Variants in SCUBE2 observed in about 807,000 individuals in gnomAD.
SCUBE2 encodes the protein signal peptide, CUB domain and EGF like domain containing 2.
Under a neutral mutation model 125.9 loss-of-function variants are expected in SCUBE2, and 114 were observed. That is an observed-to-expected ratio of 0.91 (90% CI 0.78 to 1.06). The LOEUF (loss-of-function observed/expected upper bound fraction) is 1.06, where lower values mean the gene tolerates loss of function less well. Ranked by LOEUF, SCUBE2 falls within the 50% of genes least tolerant of loss-of-function variation. SCUBE2 has a pLI of 0.00. For missense variants in SCUBE2, 1,255 were observed against 1,301.8 expected (o/e 0.96, Z 0.55); for synonymous variants, 459 against 492.9 (o/e 0.93, Z 0.91).
rs565697050 is a variant in SCUBE2, at chr11:9,065,330, A to G, written c.850+561T>C. ...GCTGTTCTCATGATAGAGTGAGATC[A>G]TGAGATCTCATGGTTTTACAAGTGT... On this transcript the variant is annotated intron_variant, in intron 7 of 22. Coordinates refer to ENST00000649792, the MANE Select transcript of SCUBE2 (RefSeq NM_001367977.2). 1.6e-3 allele frequency among the ~76,000 whole-genome samples: 236 copies of G among 152,248 alleles called. 1 individual carries two copies. Among genetic ancestry groups the G allele is most frequent in the Non-Finnish European group, 2.7e-3 (185 of 68,024 alleles).
Position 9,083,679 on chromosome 11 carries a change from C to T in SCUBE2, c.257-4170G>A, listed in dbSNP as rs959322024. Among the ~76,000 whole-genome samples the T allele has an allele frequency of 2.0e-5, 3 of 151,992 alleles. No homozygotes were observed. In the South Asian group the frequency reaches 6.3e-4, roughly 32 times the overall value. On this transcript the variant is annotated intron_variant, in intron 2 of 22. Transcript: ENST00000649792. ...AAGCGATTCTCCTGCCTCAGCCTCC[C>T]GAGTAGCTGGGATTACAGGCGTGCT...
At chr11:9,077,436 A>G (rs953156016) in intron 3 of SCUBE2, among the ~76,000 whole-genome samples, 2 of 152,222 alleles carry the variant, frequency 1.3e-5, no homozygotes, top group African/African-American at 4.8e-5. Context: ...ACTTGCAGGC[A>G]TTCAGGATCT....
At chr11:9,062,814 A>G (rs2135637208) in intron 7 of SCUBE2, among the ~76,000 whole-genome samples, 1 of 152,002 alleles carries the variant, frequency 6.6e-6, no homozygotes, top group East Asian at 1.9e-4. Context: ...AATACAAAGG[A>G]GAGAAAAGAA....
chr11:9,085,098 T>C (rs890917130), intron 2 of SCUBE2, among the ~76,000 whole-genome samples: 1 of 152,026 alleles, frequency 6.6e-6, no homozygotes, highest in Non-Finnish European at 1.5e-5. Context: ...GCAGTACTCA[T>C]CAAAAGTGTC....
At position 9,025,819 on chromosome 11, in the gene SCUBE2, G is replaced by A. The variant is rs759972003; in HGVS notation, c.2737C>T (p.Gln913Ter). Reference protein sequence around the residue: ...SNSVTTYETCQTYERPIAFTS... With the variant: ...SNSVTTYETC ...AAGGCGATGGGGCGTTCGTAGGTCT[G>A]GCAGGTTTCATATGTTGTCACAGAA... The change falls in exon 21 of 23, where the codon CAG becomes TAG. Residue 913 changes from glutamine to a stop codon, truncating the protein, a stop_gained. Coordinates refer to ENST00000649792, the MANE Select transcript of SCUBE2 (RefSeq NM_001367977.2). LOFTEE classifies it high-confidence loss of function. The A allele has an allele frequency of 1.2e-6, 2 of 1,614,126 alleles. No homozygotes were observed. Among genetic ancestry groups the A allele is most frequent in the South Asian group, 1.1e-5 (1 of 91,058 alleles).
intron 16 of SCUBE2, among the ~76,000 whole-genome samples, chr11:9,045,813 C>A (rs1857672942): frequency 6.6e-6 from 1 of 152,066 alleles, no homozygotes. Flanking sequence ...TTCAACATTG[C>A]TGTCAGACCT....
At chr11:9,053,573 A>G in intron 11 of SCUBE2, 64 bp downstream of exon 11, 1 of 1,590,494 alleles carries the variant, frequency 6.3e-7, no homozygotes, top group Non-Finnish European at 8.6e-7. Flanking sequence ...GAGCACGCAG[A>G]GCTGCACTGC....
At chr11:9,031,502 G>A (rs577333132) in intron 17 of SCUBE2, among the ~76,000 whole-genome samples, 1 of 152,194 alleles carries the variant, frequency 6.6e-6, no homozygotes, top group East Asian at 1.9e-4. Context: ...AGTGGCACAT[G>A]TCTGTAGTCC....
intron 3 of SCUBE2, 51 bp downstream of exon 3, chr11:9,079,333 A>G (rs752539678): frequency 6.2e-7 from 1 of 1,608,156 alleles, no homozygotes; most frequent in South Asian, 1.1e-5. Flanking sequence ...CAAGGGAAAG[A>G]AAGGGGTGGG....
At chr11:9,035,873 T>G in intron 16 of SCUBE2, among the ~76,000 whole-genome samples, 1 of 152,048 alleles carries the variant, frequency 6.6e-6, no homozygotes, top group East Asian at 1.9e-4. Context: ...TCATGTATCA[T>G]TTAAATACAA....
rs1051051430 is a variant in SCUBE2 at position 9,020,477 on chromosome 11, A to T, written c.*568T>A. ...ACTGCTTAGAACTCAAGTTCCTGGG[A>T]TCAAACTTGTATCACACAGGCTGGA... On this transcript the variant is annotated 3_prime_UTR_variant, in exon 23 of 23. Transcript: ENST00000649792. 1 of 150,948 alleles carries T rather than the reference A, an allele frequency of 6.6e-6. No homozygotes were observed. The highest frequency in any genetic ancestry group is 2.4e-5 in the African/African-American group (1 of 41,020). The allele number at this position is 150,948 out of a possible 1,614,324, so 9.4% of individuals were successfully genotyped here.
chr11:9,074,660 A>G (rs759447056), intron 3 of SCUBE2, 45 bp from the exon 4 acceptor site: 2 of 1,610,280 alleles, frequency 1.2e-6, no homozygotes, highest in Admixed American at 1.7e-5. Context: ...GACTGTTTCA[A>G]TGCCCCACCT....
chr11:9,027,068 C>G, intron 20 of SCUBE2: 1 of 418,308 alleles, frequency 2.4e-6, no homozygotes, highest in Non-Finnish European at 4.4e-6. Flanking sequence ...CTGGGGCCAA[C>G]ACTGCATGAT....
intron 7 of SCUBE2, among the ~76,000 whole-genome samples, chr11:9,065,545 T>G (rs1452286238): frequency 6.6e-6 from 1 of 152,134 alleles, no homozygotes; most frequent in African/African-American, 2.4e-5. Flanking sequence ...AGTATGAAAA[T>G]GGGCGAATAC....
At chr11:9,050,381 CA>C in intron 14 of SCUBE2, 1 of 516,022 alleles carries the variant, frequency 1.9e-6, no homozygotes, top group Non-Finnish European at 3.5e-6. Context: ...CTATACCATG[CA>C]AAGGAAGCCC....
At chr11:9,053,809 T>G in intron 10 of SCUBE2, 50 bp from the exon 11 acceptor site, 1 of 1,590,534 alleles carries the variant, frequency 6.3e-7, no homozygotes, top group Non-Finnish European at 8.6e-7. Flanking sequence ...CTGAATGGGC[T>G]GACATGGTCC....
chr11:9,089,762 G>A lies in SCUBE2; in HGVS notation c.201C>T (p.Thr67=). Residue 67 remains threonine (T), a synonymous_variant, in exon 2 of 23, where the codon ACC becomes ACT. Coordinates refer to ENST00000649792, the MANE Select transcript of SCUBE2 (RefSeq NM_001367977.2). ...HADALCQNTP[T]SYKCSCKPGY... ...CAGGCTTGCAGGAGCACTTGTAGGA[G>A]GTGGGTGTGTTCTGACACAGGGCGT... The A allele has an allele frequency of 6.2e-7, 1 of 1,614,072 alleles. No individual in the cohort carries two copies. The highest frequency in any genetic ancestry group is 8.5e-7 in the Non-Finnish European group (1 of 1,179,962).
At chr11:9,052,605 A>C in intron 13 of SCUBE2, 141 bp downstream of exon 13, 3 of 617,468 alleles carry the variant, frequency 4.9e-6, no homozygotes, top group Non-Finnish European at 8.4e-6. Flanking sequence ...GACTGCAGGC[A>C]ACAACACCCT....
chr11:9,038,629 AAAC>A (rs1197948590), intron 16 of SCUBE2, among the ~76,000 whole-genome samples: 2 of 152,216 alleles, frequency 1.3e-5, no homozygotes, highest in Non-Finnish European at 2.9e-5. Context: ...ACAAACAAAC[AAAC>A]AAACACAAAA....
Sources: allele counts gnomAD v4.1 joint callset (sites outside exome capture counted in the v4.1 genomes callset), GRCh38; gene constraint gnomAD v4.1.1; transcripts MANE v1.5; gene names NCBI Gene and HGNC (gene_info 2026-07-23, HGNC 2026-07-21).